SLC24A3: variants seen among roughly 807,000 people sequenced by gnomAD.
The protein encoded by SLC24A3 is solute carrier family 24 member 3.
In SLC24A3, 28 loss-of-function variants were observed where a neutral mutation model predicts 75.8. The observed-to-expected ratio is 0.37, with a 90% CI of 0.27 to 0.51. The LOEUF is 0.51. SLC24A3 is among the 20% of genes least tolerant of loss of function. The pLI is 0.94. For synonymous variants in SLC24A3, 372 were observed against 334.1 expected (o/e 1.11, Z -1.24); for missense variants, 663 against 847.8 (o/e 0.78, Z 2.71).
At chr20:19,383,981 A>T (rs1488138992) in intron 2 of SLC24A3, among the ~76,000 whole-genome samples, 1 of 152,060 alleles carries the variant, frequency 6.6e-6, no homozygotes, top group South Asian at 2.1e-4. Context: ...AGCAGCTTTT[A>T]TTTTTATCTT....
At chr20:19,642,030 C>G (rs994120934) in intron 6 of SLC24A3, among the ~76,000 whole-genome samples, 2 of 152,136 alleles carry the variant, frequency 1.3e-5, no homozygotes, top group Non-Finnish European at 2.9e-5. Context: ...CCTCACTAAG[C>G]CTTAGTTTTC....
At chr20:19,575,788 T>C (rs1420754707) in intron 3 of SLC24A3, among the ~76,000 whole-genome samples, 4 of 152,132 alleles carry the variant, frequency 2.6e-5, no homozygotes, top group Non-Finnish European at 4.4e-5. Flanking sequence ...GTAAAAATAA[T>C]AATATTGATA....
At chr20:19,633,382 G>T (rs1357272004) in intron 6 of SLC24A3, among the ~76,000 whole-genome samples, 1 of 152,082 alleles carries the variant, frequency 6.6e-6, no homozygotes, top group Non-Finnish European at 1.5e-5. Flanking sequence ...GGGCGCGGTG[G>T]CTCACGCCTG....
In SLC24A3 at chr20:19,280,964, G is replaced by A. The variant is rs1459530570; in HGVS notation, c.148G>A (p.Asp50Asn). Reference protein sequence around the residue: ...LSSLREQKELDLMDLVGEDRK... With the variant: ...LSSLREQKELNLMDLVGEDRK... Reference sequence around the variant, plus strand: ...TATTGTCTTTGTCTCCCCAGAGCTTGACCTCATGGACCTCGTAGGGGAAGA... The same window carrying A: ...TATTGTCTTTGTCTCCCCAGAGCTTAACCTCATGGACCTCGTAGGGGAAGA... Residue 50 changes from aspartate to asparagine, a missense_variant, in exon 2 of 17, where the codon GAC becomes AAC. By Grantham distance (23) the Asp-to-Asn change is conservative. Around this residue, in one of 2 missense-constraint regions of SLC24A3, gnomAD observed 153 missense variants for 144.2 expected, o/e 1.06. Coordinates refer to ENST00000328041, the MANE Select transcript of SLC24A3 (RefSeq NM_020689.4). The A allele has an allele frequency of 6.2e-7, 1 of 1,613,690 alleles. No individual in the cohort carries two copies. The highest frequency in any genetic ancestry group is 1.7e-5 in the Admixed American group (1 of 59,924).
intron 2 of SLC24A3, among the ~76,000 whole-genome samples, chr20:19,404,124 T>C (rs1205031686): frequency 3.3e-5 from 5 of 152,196 alleles, no homozygotes; most frequent in African/African-American, 1.2e-4. Flanking sequence ...ATTCTGAACC[T>C]GCTGTCAGGG....
intron 6 of SLC24A3, among the ~76,000 whole-genome samples, chr20:19,618,985 C>A (rs2031771595): frequency 6.6e-6 from 1 of 152,184 alleles, no homozygotes; most frequent in Admixed American, 6.5e-5. Flanking sequence ...ACCACCAGGG[C>A]AGCCCAGAGC....
intron 2 of SLC24A3, among the ~76,000 whole-genome samples, chr20:19,474,345 G>C (rs1284075254): frequency 6.6e-6 from 1 of 152,212 alleles, no homozygotes; most frequent in Non-Finnish European, 1.5e-5. Context: ...CCCAATGCAA[G>C]AAGACTGCAC....
At chr20:19,493,207 GA>G (rs1441887331) in intron 2 of SLC24A3, among the ~76,000 whole-genome samples, 1 of 152,162 alleles carries the variant, frequency 6.6e-6, no homozygotes, top group Non-Finnish European at 1.5e-5. Flanking sequence ...TTATCTCAAT[GA>G]CTGTCATTTC....
intron 2 of SLC24A3, among the ~76,000 whole-genome samples, chr20:19,513,002 C>T (rs78936690): frequency 0.095 from 14,449 of 152,244 alleles, 738 homozygotes; most frequent in South Asian, 0.1. Context: ...AGCATCCCAT[C>T]TCTAGCTTCC....
At chr20:19,546,743 A>G (rs2122593958) in intron 3 of SLC24A3, among the ~76,000 whole-genome samples, 2 of 151,276 alleles carry the variant, frequency 1.3e-5, no homozygotes, top group Non-Finnish European at 2.9e-5. Flanking sequence ...TAAATCCAGA[A>G]CTTGCCTTCC....
In SLC24A3 at chr20:19,682,127, A is replaced by G. The variant is rs547261378; in HGVS notation, c.901+136A>G. The G allele has an allele frequency of 1.5e-4, 149 of 1,000,248 alleles. 2 individuals are homozygous for G. The South Asian group carries it at 2.4e-3, about 16-fold the overall frequency. 62.0% of individuals were successfully genotyped at this position (1,000,248 alleles called of 1,614,324 possible). On this transcript the variant is annotated intron_variant, in intron 10 of 16. Transcript: ENST00000328041. The stretch of plus-strand genomic sequence containing the variant: ...AAAATTAACCAGGAGTGGTGGCCCA[A>G]GCCTGTAATCCCAGCTGCATGGGAG...
At chr20:19,359,418 G>T (rs1937586303) in intron 2 of SLC24A3, among the ~76,000 whole-genome samples, 1 of 152,140 alleles carries the variant, frequency 6.6e-6, no homozygotes. Flanking sequence ...CCATACTGGG[G>T]GCTGCCCCAA....
In SLC24A3 at chr20:19,264,158, CAAA is replaced by C. The variant is rs11477124; in HGVS notation, c.143-16785_143-16783del. 988 of 105,798 alleles carry C rather than the reference CAAA, an allele frequency of 9.3e-3. 21 individuals carry two copies. Among genetic ancestry groups the C allele is most frequent in the East Asian group, 0.085 (384 of 4,496 alleles). The allele number at this position is 105,798 out of a possible 1,614,324, so 6.6% of individuals were successfully genotyped here. ...CCTGAGTGACAAAGCAAGACCCTGT[CAAA>C]AAAAAAAAAAAAAAATTATCCACTT... On this transcript the variant is annotated intron_variant, in intron 1 of 16. Transcript: ENST00000328041.
At chr20:19,376,261 T>C in intron 2 of SLC24A3, among the ~76,000 whole-genome samples, 1 of 152,198 alleles carries the variant, frequency 6.6e-6, no homozygotes, top group Admixed American at 6.5e-5. Flanking sequence ...ACTGCCAACT[T>C]GGGAATAACG....
chr20:19,523,831 C>T (rs759482771), intron 3 of SLC24A3, among the ~76,000 whole-genome samples: 2 of 152,138 alleles, frequency 1.3e-5, no homozygotes, highest in Non-Finnish European at 2.9e-5. Context: ...ATAGACGATA[C>T]CTTACTTGTC....
chr20:19,616,413 A>G (rs2031737073), intron 6 of SLC24A3, among the ~76,000 whole-genome samples: 1 of 152,218 alleles, frequency 6.6e-6, no homozygotes, highest in African/African-American at 2.4e-5. Context: ...CCCTCTAGAC[A>G]GAGTCATTCA....
chr20:19,672,360 G>T (rs1280489272), intron 8 of SLC24A3, among the ~76,000 whole-genome samples: 1 of 152,036 alleles, frequency 6.6e-6, no homozygotes, highest in Non-Finnish European at 1.5e-5. Flanking sequence ...TGGAAGAAAG[G>T]GTTTTACTGT....
At chr20:19,350,921 G>T (rs1185321753) in intron 2 of SLC24A3, among the ~76,000 whole-genome samples, 1 of 152,142 alleles carries the variant, frequency 6.6e-6, no homozygotes, top group Admixed American at 6.5e-5. Flanking sequence ...GGCCCCAGTG[G>T]CAGTTTAATT....
chr20:19,608,028 C>T (rs1319760903), intron 6 of SLC24A3, among the ~76,000 whole-genome samples: 1 of 152,224 alleles, frequency 6.6e-6, no homozygotes, highest in Non-Finnish European at 1.5e-5. Flanking sequence ...CATCTCTGTT[C>T]ACTTCAACCC....
Sources: allele counts gnomAD v4.1 joint callset (sites outside exome capture counted in the v4.1 genomes callset), GRCh38; gene constraint gnomAD v4.1.1; regional missense constraint gnomAD v4.1.1; transcripts MANE v1.5; gene names NCBI Gene and HGNC (gene_info 2026-07-23, HGNC 2026-07-21).